The following ADGRL2 variants were observed in gnomAD, a reference collection of about 807,000 sequenced individuals.
ADGRL2 encodes the protein adhesion G protein-coupled receptor L2.
ADGRL2 carries 44 observed loss-of-function variants against 157.4 expected under a neutral mutation model. The ratio of observed to expected loss-of-function variants is 0.28; its 90% confidence interval spans 0.22 to 0.36. The LOEUF (loss-of-function observed/expected upper bound fraction) is 0.36, where lower values mean the gene tolerates loss of function less well. Ranked by LOEUF, ADGRL2 falls within the 10% of genes least tolerant of loss-of-function variation. The probability of loss-of-function intolerance (pLI) is 1.00; values close to 1 mark genes in which losing one functional copy is unlikely to be tolerated. For missense variants in ADGRL2, 1,510 were observed against 1,768.9 expected, an observed-to-expected ratio of 0.85 and a Z score of 2.63; for synonymous variants, 585 against 624.7, an observed-to-expected ratio of 0.94 and a Z score of 0.95.
intron 2 of ADGRL2, among the ~76,000 whole-genome samples, chr1:81,530,535 G>C (rs1570404471): frequency 6.6e-6 from 1 of 151,906 alleles, no homozygotes; most frequent in Admixed American, 6.6e-5. Context: ...TTTTTGTAGA[G>C]ATGGGGTTTC....
intron 1 of ADGRL2, among the ~76,000 whole-genome samples, chr1:81,346,383 G>T (rs1662482267): frequency 6.6e-6 from 1 of 152,114 alleles, no homozygotes; most frequent in African/African-American, 2.4e-5. Context: ...TTTATCTCAA[G>T]AATATGATCT....
At chr1:81,777,919 G>GACAAAGGTCTGTGGTAT (rs2086649910) in intron 2 of ADGRL2, among the ~76,000 whole-genome samples, 1 of 152,118 alleles carries the variant, frequency 6.6e-6, no homozygotes, top group Non-Finnish European at 1.5e-5. Flanking sequence ...CAAGGCCAAA[G>GACAAAGGTCTGTGGTAT]ACAAAGGTCT....
chr1:81,772,588 A>AG (rs2086419727), intron 2 of ADGRL2, among the ~76,000 whole-genome samples: 1 of 150,072 alleles, frequency 6.7e-6, no homozygotes, highest in Admixed American at 6.6e-5. Context: ...AATTAGCTGG[A>AG]TGTGGTGGCA....
chr1:81,357,958 A>G (rs1663433942), intron 1 of ADGRL2, among the ~76,000 whole-genome samples: 2 of 152,246 alleles, frequency 1.3e-5, no homozygotes, highest in African/African-American at 2.4e-5. Context: ...CTTGATAAAC[A>G]TTCAAATGTT....
At chr1:81,773,878 CTA>C (rs2149355402) in intron 2 of ADGRL2, among the ~76,000 whole-genome samples, 1 of 152,236 alleles carries the variant, frequency 6.6e-6, no homozygotes, top group East Asian at 1.9e-4. Context: ...AAAGAGTACA[CTA>C]AGATTGAATG....
intron 1 of ADGRL2, among the ~76,000 whole-genome samples, chr1:81,438,617 T>A (rs569648178): frequency 6.6e-6 from 1 of 152,338 alleles, no homozygotes; most frequent in East Asian, 1.9e-4. Context: ...CAGTGCTTTT[T>A]TTCCCAGAGA....
At chr1:81,828,136 C>G (rs2091652703) in intron 1 of ADGRL2, among the ~76,000 whole-genome samples, 1 of 152,172 alleles carries the variant, frequency 6.6e-6, no homozygotes, top group African/African-American at 2.4e-5. Flanking sequence ...TGTATTGGCA[C>G]ACAGCCAATG....
intron 1 of ADGRL2, among the ~76,000 whole-genome samples, chr1:81,412,703 C>T (rs937060801): frequency 6.6e-6 from 1 of 152,100 alleles, no homozygotes; most frequent in African/African-American, 2.4e-5. Context: ...TTGATAAATA[C>T]TTGGTTGCAA....
At chr1:81,624,818 T>C (rs1480658448) in intron 3 of ADGRL2, among the ~76,000 whole-genome samples, 1 of 152,204 alleles carries the variant, frequency 6.6e-6, no homozygotes, top group Non-Finnish European at 1.5e-5. Context: ...ACTCATTTAA[T>C]GTCTCTTAGC....
intron 11 of ADGRL2, among the ~76,000 whole-genome samples, chr1:81,957,024 A>G (rs1653721781): frequency 6.6e-6 from 1 of 152,178 alleles, no homozygotes; most frequent in African/African-American, 2.4e-5. Context: ...TGAATTCATA[A>G]TCTTAAATTT....
intron 1 of ADGRL2, among the ~76,000 whole-genome samples, chr1:81,433,361 G>A (rs548966138): frequency 1.4e-3 from 220 of 152,234 alleles, no homozygotes; most frequent in African/African-American, 5.0e-3. Flanking sequence ...AAAGGTCATA[G>A]ACAACATAAT....
chr1:81,528,721 G>C (rs2079531817), intron 2 of ADGRL2, among the ~76,000 whole-genome samples: 1 of 150,614 alleles, frequency 6.6e-6, no homozygotes, highest in African/African-American at 2.5e-5. Flanking sequence ...TGAACACCTG[G>C]AATATTTCCT....
At chr1:81,406,704 G>A (rs769577099) in intron 1 of ADGRL2, among the ~76,000 whole-genome samples, 2 of 152,112 alleles carry the variant, frequency 1.3e-5, no homozygotes, top group Non-Finnish European at 2.9e-5. Context: ...TCTGAGAGGA[G>A]TTATCCTCTC....
chr1:81,839,821 G>GTTTTCCATCATATATATATA (rs1557748235), intron 2 of ADGRL2, among the ~76,000 whole-genome samples: 1 of 113,536 alleles, frequency 8.8e-6, no homozygotes, highest in African/African-American at 3.6e-5. Flanking sequence ...ATATATATAT[G>GTTTTCCATCATATATATATA]TTTTCCATCA....
intron 2 of ADGRL2, among the ~76,000 whole-genome samples, chr1:81,900,114 A>G (rs948646431): frequency 6.6e-6 from 1 of 152,146 alleles, no homozygotes; most frequent in Non-Finnish European, 1.5e-5. Flanking sequence ...AAATGTTGAT[A>G]ATAATGTTAC....
chr1:81,921,254 AG>A (rs2094971387), intron 3 of ADGRL2, among the ~76,000 whole-genome samples: 1 of 152,196 alleles, frequency 6.6e-6, no homozygotes, highest in Admixed American at 6.5e-5. Context: ...ATGTTTTATG[AG>A]TATACTACTT....
At chr1:81,913,789 A>G (rs1026628438) in intron 3 of ADGRL2, among the ~76,000 whole-genome samples, 2 of 152,096 alleles carry the variant, frequency 1.3e-5, no homozygotes, top group African/African-American at 2.4e-5. Flanking sequence ...AGGTTGGATT[A>G]TTTTCCACAG....
chr1:81,574,322 T>C (rs1331738569), intron 2 of ADGRL2, among the ~76,000 whole-genome samples: 1 of 152,108 alleles, frequency 6.6e-6, no homozygotes, highest in Non-Finnish European at 1.5e-5. Flanking sequence ...GCACCTGCTT[T>C]CCGGAAATTA....
At chr1:81,898,104 C>G (rs1298271392) in intron 2 of ADGRL2, among the ~76,000 whole-genome samples, 2 of 152,056 alleles carry the variant, frequency 1.3e-5, no homozygotes, top group Admixed American at 1.3e-4. Flanking sequence ...GTGAGACTCT[C>G]TCCCTAAAGC....
Sources: gnomAD v4.1 joint callset for allele counts (sites outside exome capture counted in the v4.1 genomes callset) on GRCh38, gnomAD v4.1.1 for gene constraint, MANE v1.5 for transcripts, NCBI Gene and HGNC (gene_info 2026-07-23, HGNC 2026-07-21) for gene names.